LOC128706665: variants seen among roughly 807,000 people sequenced by gnomAD.
chr20:10,416,934 A>G, the LOC128706665 span, among the ~76,000 whole-genome samples: 2 of 152,224 alleles, frequency 1.3e-5, no homozygotes, highest in African/African-American at 2.4e-5. Context: ...TATAGACACT[A>G]TATGATCTGC....
chr20:10,429,886 G>A, the LOC128706665 span, among the ~76,000 whole-genome samples: 72,737 of 151,976 alleles, frequency 0.48, 18,283 homozygotes, highest in Non-Finnish European at 0.56. Context: ...CTGACCTACT[G>A]AGTCAGAAAC....
the LOC128706665 span, among the ~76,000 whole-genome samples, chr20:10,428,469 C>A: frequency 6.6e-6 from 1 of 152,196 alleles, no homozygotes. Context: ...AACCTATTGG[C>A]CAGAGGACAT....
At chr20:10,419,808 C>T in the LOC128706665 span, among the ~76,000 whole-genome samples, 1 of 152,186 alleles carries the variant, frequency 6.6e-6, no homozygotes, top group Non-Finnish European at 1.5e-5. Flanking sequence ...TTTCATCATG[C>T]TACTCAGAAA....
At chr20:10,417,649 T>A in the LOC128706665 span, among the ~76,000 whole-genome samples, 1 of 142,192 alleles carries the variant, frequency 7.0e-6, no homozygotes, top group Admixed American at 7.4e-5. Context: ...ATGCTACTGC[T>A]ACTGCACTGT....
the LOC128706665 span, among the ~76,000 whole-genome samples, chr20:10,415,996 A>C: frequency 1.1e-4 from 17 of 152,314 alleles, no homozygotes; most frequent in East Asian, 3.1e-3. Context: ...AGAAAAAAAA[A>C]CCAAACCACT....
At chr20:10,420,387 T>C in the LOC128706665 span, 12 of 152,188 alleles carry the variant, frequency 7.9e-5, no homozygotes, top group Non-Finnish European at 1.3e-4. Context: ...AACTGCAGAA[T>C]AGTATTTTGC....
At chr20:10,424,354 G>C in the LOC128706665 span, among the ~76,000 whole-genome samples, 1 of 152,022 alleles carries the variant, frequency 6.6e-6, no homozygotes, top group Non-Finnish European at 1.5e-5. Context: ...CCATGAGTTC[G>C]AGACTGCCTG....
the LOC128706665 span, among the ~76,000 whole-genome samples, chr20:10,418,119 G>A: frequency 6.6e-6 from 1 of 152,192 alleles, no homozygotes; most frequent in African/African-American, 2.4e-5. Flanking sequence ...TAATGCAAAT[G>A]TGTTTGTGTA....
At chr20:10,422,542 A>G in the LOC128706665 span, among the ~76,000 whole-genome samples, 2 of 152,190 alleles carry the variant, frequency 1.3e-5, no homozygotes, top group African/African-American at 4.8e-5. Flanking sequence ...TAGGAGGGAC[A>G]GAGGCTGCAC....
At chr20:10,433,650 G>C in the LOC128706665 span, among the ~76,000 whole-genome samples, 1 of 152,172 alleles carries the variant, frequency 6.6e-6, no homozygotes, top group African/African-American at 2.4e-5. Context: ...TCACGTAGCT[G>C]GCAGGGCCAC....
chr20:10,423,602 A>T, the LOC128706665 span, among the ~76,000 whole-genome samples: 1 of 152,210 alleles, frequency 6.6e-6, no homozygotes, highest in Non-Finnish European at 1.5e-5. Flanking sequence ...GTAATGACAT[A>T]GTATGAACCC....
chr20:10,416,993 C>T, the LOC128706665 span, among the ~76,000 whole-genome samples: 3 of 151,992 alleles, frequency 2.0e-5, no homozygotes, highest in Admixed American at 2.0e-4. Flanking sequence ...AAAAGTTTGC[C>T]AATTTCTAGG....
the LOC128706665 span, among the ~76,000 whole-genome samples, chr20:10,433,275 GT>G: frequency 6.6e-6 from 1 of 152,214 alleles, no homozygotes; most frequent in East Asian, 1.9e-4. Flanking sequence ...AAAGTGCGGG[GT>G]TACAGGGGTG....
At chr20:10,426,337 T>C in the LOC128706665 span, among the ~76,000 whole-genome samples, 1 of 152,168 alleles carries the variant, frequency 6.6e-6, no homozygotes, top group Non-Finnish European at 1.5e-5. Context: ...AGGGGAACAT[T>C]TGGAGGGCGT....
the LOC128706665 span, among the ~76,000 whole-genome samples, chr20:10,414,532 T>G: frequency 3.3e-5 from 5 of 152,242 alleles, no homozygotes; most frequent in East Asian, 9.6e-4. Flanking sequence ...CCCAAAGTGC[T>G]GGGATTACAA....
the LOC128706665 span, among the ~76,000 whole-genome samples, chr20:10,418,867 A>C: frequency 6.6e-6 from 1 of 152,196 alleles, no homozygotes; most frequent in East Asian, 1.9e-4. Flanking sequence ...GCACCTAATA[A>C]ATTCTCTAAC....
the LOC128706665 span, among the ~76,000 whole-genome samples, chr20:10,417,565 A>G: frequency 6.6e-6 from 1 of 152,140 alleles, no homozygotes; most frequent in African/African-American, 2.4e-5. Flanking sequence ...GAGCTATGAT[A>G]TGTTACTGCA....
the LOC128706665 span, among the ~76,000 whole-genome samples, chr20:10,427,039 C>CAG: frequency 0.023 from 1,761 of 77,638 alleles, 72 homozygotes; most frequent in African/African-American, 0.05. Flanking sequence ...GACACACACA[C>CAG]ACACACACAC....
the LOC128706665 span, among the ~76,000 whole-genome samples, chr20:10,423,399 G>A: frequency 6.6e-6 from 1 of 152,080 alleles, no homozygotes; most frequent in Non-Finnish European, 1.5e-5. Context: ...TCCAGGACAG[G>A]TGATGAAATG....
Sources: gnomAD v4.1 joint callset for allele counts (sites outside exome capture counted in the v4.1 genomes callset) on GRCh38, gnomAD v4.1.1 for gene constraint, MANE v1.5 for transcripts.